Variants in TMEM117 observed in about 807,000 individuals in gnomAD.
TMEM117 encodes transmembrane protein 117.
In TMEM117, 27 loss-of-function variants were observed where a neutral mutation model predicts 52.4. The ratio of observed to expected loss-of-function variants is 0.51; its 90% CI spans 0.38 to 0.71. The LOEUF is 0.71. Among genes scored for constraint, TMEM117 ranks in the 30% least tolerant of loss-of-function variants. The pLI, the probability that TMEM117 is intolerant of heterozygous loss-of-function variation, is 0.00. For synonymous variants in TMEM117, 215 were observed against 206.3 expected (o/e 1.04, Z -0.36); for missense variants, 556 against 630.5 (o/e 0.88, Z 1.26).
intron 3 of TMEM117, among the ~76,000 whole-genome samples, chr12:43,952,292 G>A (rs1377269678): frequency 6.6e-6 from 1 of 152,070 alleles, no homozygotes; most frequent in Non-Finnish European, 1.5e-5. Context: ...AAGCTGAGAT[G>A]GATGAACTGA....
At chr12:43,920,672 A>C (rs1470922517) in intron 2 of TMEM117, among the ~76,000 whole-genome samples, 2 of 150,102 alleles carry the variant, frequency 1.3e-5, no homozygotes, top group Non-Finnish European at 2.9e-5. Context: ...CCTCTGCCTC[A>C]GCCTCCTGAG....
At chr12:44,035,775 G>A (rs1946700932) in intron 3 of TMEM117, among the ~76,000 whole-genome samples, 1 of 152,200 alleles carries the variant, frequency 6.6e-6, no homozygotes, top group Admixed American at 6.5e-5. Context: ...GGTTATGCTT[G>A]ATAACAAATT....
At chr12:44,167,539 G>A (rs746136728) in intron 4 of TMEM117, among the ~76,000 whole-genome samples, 5 of 152,012 alleles carry the variant, frequency 3.3e-5, no homozygotes, top group Admixed American at 6.6e-5. Flanking sequence ...ATGGTGGCAC[G>A]CGCCTGTAGT....
At chr12:44,224,586 C>A (rs1949836049) in intron 5 of TMEM117, among the ~76,000 whole-genome samples, 1 of 151,790 alleles carries the variant, frequency 6.6e-6, no homozygotes, top group Admixed American at 6.6e-5. Flanking sequence ...AGGAAATTAC[C>A]TTTGGCAAAA....
chr12:44,133,744 G>A (rs563644032), intron 3 of TMEM117, among the ~76,000 whole-genome samples: 10 of 152,186 alleles, frequency 6.6e-5, no homozygotes, highest in South Asian at 2.1e-4. Context: ...AGAGCTCTTC[G>A]TGGAAGGTCC....
intron 6 of TMEM117, among the ~76,000 whole-genome samples, chr12:44,330,645 G>A (rs1184202771): frequency 6.6e-6 from 1 of 152,030 alleles, no homozygotes; most frequent in Non-Finnish European, 1.5e-5. Flanking sequence ...CATGTAGCTA[G>A]TGACTACCGT....
intron 6 of TMEM117, among the ~76,000 whole-genome samples, chr12:44,308,390 A>G (rs78644256): frequency 0.035 from 5,266 of 152,106 alleles, 109 homozygotes; most frequent in Middle Eastern, 0.13. Context: ...TCATCTTTGC[A>G]TGTGTGTCAA....
At chr12:43,857,872 T>A (rs1266018638) in intron 2 of TMEM117, among the ~76,000 whole-genome samples, 1 of 152,184 alleles carries the variant, frequency 6.6e-6, no homozygotes, top group African/African-American at 2.4e-5. Flanking sequence ...TAGAGAGATC[T>A]GTGCCCAAAG....
At chr12:44,099,648 G>A (rs1367087988) in intron 3 of TMEM117, among the ~76,000 whole-genome samples, 1 of 151,974 alleles carries the variant, frequency 6.6e-6, no homozygotes, top group East Asian at 1.9e-4. Flanking sequence ...TGAATGCATT[G>A]GCGAATTGGG....
chr12:43,929,775 G>A (rs1466712839), intron 2 of TMEM117, among the ~76,000 whole-genome samples: 1 of 151,904 alleles, frequency 6.6e-6, no homozygotes, highest in Non-Finnish European at 1.5e-5. Flanking sequence ...CTATCCATTG[G>A]TTATTTCTTT....
intron 3 of TMEM117, among the ~76,000 whole-genome samples, chr12:44,063,289 T>C (rs770716430): frequency 7.9e-5 from 12 of 152,200 alleles, no homozygotes; most frequent in Non-Finnish European, 1.3e-4. Context: ...AGCCATTAAA[T>C]CCCTCATTGA....
intron 2 of TMEM117, among the ~76,000 whole-genome samples, chr12:43,882,859 G>GA (rs922946274): frequency 1.3e-5 from 2 of 152,082 alleles, no homozygotes; most frequent in East Asian, 1.9e-4. Flanking sequence ...GTGTTTGGAG[G>GA]AAAAAAACTA....
At chr12:43,865,947 A>G (rs994005464) in intron 2 of TMEM117, among the ~76,000 whole-genome samples, 1 of 151,882 alleles carries the variant, frequency 6.6e-6, no homozygotes, top group African/African-American at 2.4e-5. Context: ...ATTAAAGTTT[A>G]TTGTACATAC....
chr12:43,935,592 A>G (rs1369663262), intron 2 of TMEM117, among the ~76,000 whole-genome samples: 3 of 152,262 alleles, frequency 2.0e-5, no homozygotes, highest in African/African-American at 7.2e-5. Context: ...GATAATATAT[A>G]TAGCAGATTT....
chr12:44,192,557 G>GA (rs1450620566), intron 4 of TMEM117, among the ~76,000 whole-genome samples: 2 of 152,124 alleles, frequency 1.3e-5, no homozygotes, highest in African/African-American at 4.8e-5. Context: ...AGAGTCCTTT[G>GA]AAAGTTATTG....
In TMEM117 at chr12:43,846,091, ACTCT is replaced by A. The variant is rs1238070672; in HGVS notation, c.277+1172_277+1175del. Among the ~76,000 whole-genome samples the A allele has an allele frequency of 1.5e-4, 22 of 150,480 alleles. 1 individual carries two copies. The highest frequency in any genetic ancestry group is 2.1e-4 in the South Asian group (1 of 4,770). On this transcript the variant is annotated intron_variant, in intron 2 of 7. Transcript: ENST00000266534. Reference sequence around the variant, plus strand: ...CAGGGAGTTGGAACTATAAACTTTTACTCTCTCTCTCTTTTTTTTTTGAACATTG... The same window carrying A: ...CAGGGAGTTGGAACTATAAACTTTTACTCTCTCTTTTTTTTTTGAACATTG...
At chr12:44,229,369 T>C (rs1347022156) in intron 5 of TMEM117, among the ~76,000 whole-genome samples, 1 of 152,130 alleles carries the variant, frequency 6.6e-6, no homozygotes, top group East Asian at 1.9e-4. Context: ...GAGATATTAA[T>C]GAAGTGTCCT....
the TMEM117 span, among the ~76,000 whole-genome samples, chr12:43,822,010 A>T: frequency 1.3e-5 from 2 of 152,204 alleles, no homozygotes; most frequent in South Asian, 4.1e-4. Context: ...TGTCTCTTTC[A>T]TGAGGAAGCA....
At chr12:44,320,543 C>G (rs1426865236) in intron 6 of TMEM117, among the ~76,000 whole-genome samples, 2 of 152,172 alleles carry the variant, frequency 1.3e-5, no homozygotes, top group Non-Finnish European at 2.9e-5. Context: ...CTACCCCCAC[C>G]TCTTGCATTT....
Sources: gnomAD v4.1 joint callset for allele counts (sites outside exome capture counted in the v4.1 genomes callset) on GRCh38, gnomAD v4.1.1 for gene constraint, MANE v1.5 for transcripts, NCBI Gene and HGNC (gene_info 2026-07-23, HGNC 2026-07-21) for gene names.